The following CDH13 variants were observed in gnomAD, a reference collection of about 807,000 sequenced individuals.
CDH13 encodes the protein cadherin-13.
CDH13 carries 24 observed loss-of-function variants against 63.8 expected under a neutral mutation model. That is an observed-to-expected ratio of 0.38 (90% CI 0.27 to 0.53). The LOEUF (loss-of-function observed/expected upper bound fraction) is 0.53. Ranked by LOEUF, CDH13 falls within the 20% of genes least tolerant of loss-of-function variation. The pLI is 0.85. For synonymous variants in CDH13, 503 were observed against 355.3 expected, an observed-to-expected ratio of 1.42 and a Z score of -4.67; for missense variants, 1,049 against 903.1, an observed-to-expected ratio of 1.16 and a Z score of -2.07.
intron 8 of CDH13, among the ~76,000 whole-genome samples, chr16:83,634,974 T>A (rs1415111039): frequency 2.0e-5 from 3 of 152,224 alleles, no homozygotes; most frequent in African/African-American, 7.2e-5. Flanking sequence ...ATTAAGTGCA[T>A]GTTAGTTTTA....
chr16:83,078,874 A>C (rs1401866146), intron 3 of CDH13, among the ~76,000 whole-genome samples: 2 of 152,052 alleles, frequency 1.3e-5, no homozygotes, highest in African/African-American at 4.8e-5. Context: ...GGCTCACTGC[A>C]ACCTCCGCCT....
intron 3 of CDH13, among the ~76,000 whole-genome samples, chr16:83,108,653 T>G (rs2034902052): frequency 6.6e-6 from 1 of 152,072 alleles, no homozygotes; most frequent in African/African-American, 2.4e-5. Flanking sequence ...AGCAGTCCAG[T>G]TTTTCAGCCT....
chr16:83,414,416 T>G (rs1472212747), intron 6 of CDH13, among the ~76,000 whole-genome samples: 1 of 152,216 alleles, frequency 6.6e-6, no homozygotes, highest in Non-Finnish European at 1.5e-5. Context: ...TATATTTAAA[T>G]TTTATTTTAT....
At chr16:83,172,172 C>T (rs1174246773) in intron 4 of CDH13, among the ~76,000 whole-genome samples, 2 of 152,064 alleles carry the variant, frequency 1.3e-5, no homozygotes, top group African/African-American at 2.4e-5. Context: ...GATAGACTCA[C>T]ACTCAGAGAG....
chr16:83,602,323 A>G (rs755783390), intron 7 of CDH13, 131 bp from the exon 8 acceptor site: 12 of 868,716 alleles, frequency 1.4e-5, no homozygotes, highest in Middle Eastern at 3.1e-4. Context: ...TAAAAATGTT[A>G]TCACTCTTTA....
At chr16:83,608,952 A>G (rs1908611495) in intron 8 of CDH13, among the ~76,000 whole-genome samples, 1 of 152,218 alleles carries the variant, frequency 6.6e-6, no homozygotes, top group African/African-American at 2.4e-5. Flanking sequence ...ATAGAAATAT[A>G]AGAACAAAAG....
chr16:83,716,954 G>C (rs1463650856), intron 10 of CDH13: 1 of 152,402 alleles, frequency 6.6e-6, no homozygotes, highest in Non-Finnish European at 1.5e-5. Flanking sequence ...AAAATGAGAA[G>C]GCCAGACTCA....
Position 83,099,568 on chromosome 16 carries a change from C to A in CDH13, c.367-25817C>A, listed in dbSNP as rs563085130. Among the ~76,000 whole-genome samples the A allele has an allele frequency of 3.3e-5, 5 of 151,788 alleles. No homozygotes were observed. In the South Asian group the frequency reaches 8.4e-4, roughly 25 times the overall value. On this transcript the variant is annotated intron_variant, in intron 3 of 13. Coordinates refer to ENST00000567109, the MANE Select transcript of CDH13 (RefSeq NM_001257.5). ...CGAAGTCCTAACCTCATGTGATCTA[C>A]CTAACTCAGCCTCCCAAAGTGCTGG...
chr16:83,016,766 C>G (rs1300576557), intron 2 of CDH13, among the ~76,000 whole-genome samples: 1 of 152,082 alleles, frequency 6.6e-6, no homozygotes, highest in Non-Finnish European at 1.5e-5. Flanking sequence ...TAGAAGCATT[C>G]TAGATATCCA....
rs567924755 is a variant in CDH13 at position 82,966,155 on chromosome 16, G to A, written c.158-65855G>A. ...CTATTTTTCCTATTTTTGTTTGTTT[G>A]TTTGTTTGTTTGAGACAAAGACTCG... is the stretch of plus-strand genomic sequence containing the variant. On this transcript the variant is annotated intron_variant, in intron 2 of 13. Coordinates refer to ENST00000567109, the MANE Select transcript of CDH13 (RefSeq NM_001257.5). Among the ~76,000 whole-genome samples the A allele has an allele frequency of 2.0e-5, 3 of 152,178 alleles. No homozygotes were observed. The South Asian group carries it at 6.2e-4, about 32-fold the overall frequency.
chr16:83,611,785 T>C (rs1006777223), intron 8 of CDH13, among the ~76,000 whole-genome samples: 2 of 152,118 alleles, frequency 1.3e-5, no homozygotes, highest in Admixed American at 6.5e-5. Context: ...ACTTGTGGTT[T>C]TCTAGAAGTA....
At chr16:83,060,143 A>C (rs575474491) in intron 3 of CDH13, among the ~76,000 whole-genome samples, 2 of 152,010 alleles carry the variant, frequency 1.3e-5, no homozygotes, top group South Asian at 4.2e-4. Flanking sequence ...AAAATTCCCA[A>C]CTCCTCAAAA....
In CDH13 at chr16:83,270,705, G is replaced by C. The variant is rs111654591; in HGVS notation, c.636+53208G>C. On this transcript the variant is annotated intron_variant, in intron 5 of 13. Coordinates refer to ENST00000567109, the MANE Select transcript of CDH13 (RefSeq NM_001257.5). ...GGAGGCTTCATATTTTTCAAGACAC[G>C]TTCCTATCTGTCATCTTCTATCCTC... Among the ~76,000 whole-genome samples the C allele has an allele frequency of 5.6e-3, 850 of 152,112 alleles. 11 individuals are homozygous for C. Among genetic ancestry groups the C allele is most frequent in the African/African-American group, 0.019 (771 of 41,492 alleles).
At chr16:82,882,430 A>T (rs1028745612) in intron 2 of CDH13, among the ~76,000 whole-genome samples, 11 of 152,200 alleles carry the variant, frequency 7.2e-5, no homozygotes, top group Non-Finnish European at 1.5e-4. Flanking sequence ...GACCACCAGC[A>T]TTGCAAACCC....
In CDH13 at chr16:82,858,176, C is replaced by A. The variant is rs536218295; in HGVS notation, c.46-186C>A. Reference sequence around the variant, plus strand: ...GAAACTGCAGCAGCTGTTCCATTTGCGTATTCTCCAAATCTCAGTGCCAAA... The same window carrying A: ...GAAACTGCAGCAGCTGTTCCATTTGAGTATTCTCCAAATCTCAGTGCCAAA... On this transcript the variant is annotated intron_variant, in intron 1 of 13. Transcript: ENST00000567109. Among the ~76,000 whole-genome samples the A allele has an allele frequency of 1.4e-4, 22 of 152,306 alleles. No individual in the cohort carries two copies. The South Asian group carries it at 2.3e-3, about 16-fold the overall frequency.
intron 12 of CDH13, among the ~76,000 whole-genome samples, chr16:83,781,028 G>C (rs557708736): frequency 7.9e-5 from 12 of 152,276 alleles, no homozygotes; most frequent in African/African-American, 2.4e-4. Context: ...ACTTGACTTG[G>C]TTTAATGATG....
intron 10 of CDH13, among the ~76,000 whole-genome samples, chr16:83,688,134 CCTTTT>C (rs1327776942): frequency 2.6e-5 from 4 of 152,320 alleles, no homozygotes; most frequent in East Asian, 1.9e-4. Context: ...TTCATCAAGT[CCTTTT>C]CTTTAACACC....
chr16:82,977,561 C>T (rs1281295098), intron 2 of CDH13, among the ~76,000 whole-genome samples: 1 of 152,106 alleles, frequency 6.6e-6, no homozygotes, highest in Non-Finnish European at 1.5e-5. Flanking sequence ...TGAAGAAGGA[C>T]ATGTTTGTTT....
chr16:82,922,561 A>G (rs985734175), intron 2 of CDH13, among the ~76,000 whole-genome samples: 8 of 152,154 alleles, frequency 5.3e-5, no homozygotes, highest in Non-Finnish European at 1.0e-4. Flanking sequence ...TAATTAAGGT[A>G]ATGTATGCTG....
Sources: allele counts gnomAD v4.1 joint callset (sites outside exome capture counted in the v4.1 genomes callset), GRCh38; gene constraint gnomAD v4.1.1; transcripts MANE v1.5; gene names NCBI Gene and HGNC (gene_info 2026-07-23, HGNC 2026-07-21).